Variants in ASNS observed in about 807,000 individuals in gnomAD.
ASNS encodes asparagine synthetase (glutamine-hydrolyzing).
ASNS carries 37 observed loss-of-function variants against 62.6 expected under a neutral mutation model. The observed-to-expected ratio is 0.59, with a 90% CI of 0.45 to 0.78. ASNS has a LOEUF of 0.78. Ranked by LOEUF, ASNS falls within the 30% of genes least tolerant of loss-of-function variation. ASNS has a pLI of 0.00. For synonymous variants in ASNS, 207 were observed against 237.9 expected, an observed-to-expected ratio of 0.87 and a Z score of 1.19; for missense variants, 520 against 682.4, an observed-to-expected ratio of 0.76 and a Z score of 2.65.
At chr7:97,870,118 A>C in intron 1 of ASNS, 1 of 436,826 alleles carries the variant, frequency 2.3e-6, no homozygotes, top group Non-Finnish European at 3.8e-6. Context: ...CTGTGAAATA[A>C]AGGGCTGTTT....
At chr7:97,903,431 T>C in the ASNS span, among the ~76,000 whole-genome samples, 3 of 152,142 alleles carry the variant, frequency 2.0e-5, no homozygotes, top group Admixed American at 1.3e-4. Context: ...CACTGCCATT[T>C]ACATGCAGAC....
chr7:97,878,171 G>A, the ASNS span, among the ~76,000 whole-genome samples: 910 of 152,284 alleles, frequency 6.0e-3, 4 homozygotes, highest in Middle Eastern at 0.027. Flanking sequence ...AGATCACGAG[G>A]TCAAGAGATC....
At chr7:97,890,893 A>T in the ASNS span, among the ~76,000 whole-genome samples, 1 of 152,272 alleles carries the variant, frequency 6.6e-6, no homozygotes, top group Non-Finnish European at 1.5e-5. Flanking sequence ...ATCTACCATC[A>T]TGAAAATACA....
At chr7:97,854,952 T>G in intron 9 of ASNS, 1 of 446,892 alleles carries the variant, frequency 2.2e-6, no homozygotes, top group East Asian at 4.3e-5. Context: ...CAAGCTTAAG[T>G]AGTTTTATTT....
intron 9 of ASNS, 162 bp downstream of exon 9, chr7:97,855,191 T>G (rs1166783435): frequency 5.4e-6 from 3 of 557,246 alleles, no homozygotes; most frequent in Non-Finnish European, 9.4e-6. Flanking sequence ...AAAATTTCTT[T>G]CTTCCCCAAG....
chr7:97,907,642 G>A, the ASNS span, among the ~76,000 whole-genome samples: 20 of 152,118 alleles, frequency 1.3e-4, no homozygotes, highest in East Asian at 1.9e-3. Flanking sequence ...GGAGGCGGGC[G>A]CCTGTAGTCC....
chr7:97,912,284 C>CA, the ASNS span, among the ~76,000 whole-genome samples: 1 of 152,176 alleles, frequency 6.6e-6, no homozygotes, highest in Non-Finnish European at 1.5e-5. Context: ...ACTCATCACT[C>CA]ACTTTTGTTT....
At chr7:97,874,489 A>T (rs561037064), upstream of ASNS, among the ~76,000 whole-genome samples, 117 of 152,364 alleles carry the variant, frequency 7.7e-4, no homozygotes, top group Non-Finnish European at 1.6e-3. Flanking sequence ...AAGGGTATTG[A>T]TTAGGGAAGT....
chr7:97,852,483 A>G lies in ASNS; in HGVS notation c.1477-15T>C, dbSNP rs1791229597. The G allele has an allele frequency of 6.2e-7, 1 of 1,612,562 alleles. No homozygotes were observed. Among genetic ancestry groups the G allele is most frequent in the Admixed American group, 1.7e-5 (1 of 59,998 alleles). On this transcript the variant is annotated splice_polypyrimidine_tract_variant and intron_variant, in intron 12 of 12. Coordinates refer to ENST00000394308, the MANE Select transcript of ASNS (RefSeq NM_001673.5). Reference sequence around the variant, plus strand: ...GCATCATCAACCTGTAAGAATAAGCATATAAGAGCAAAATGGCTTAAAATG... The same window carrying G: ...GCATCATCAACCTGTAAGAATAAGCGTATAAGAGCAAAATGGCTTAAAATG...
intron 10 of ASNS, among the ~76,000 whole-genome samples, chr7:97,854,253 G>A (rs1190962534): frequency 6.6e-6 from 1 of 152,138 alleles, no homozygotes; most frequent in Admixed American, 6.5e-5. Flanking sequence ...TAGCAGCCTT[G>A]CCTCTTCCAT....
chr7:97,864,822 T>C (rs1187871695), intron 3 of ASNS, among the ~76,000 whole-genome samples: 1 of 152,152 alleles, frequency 6.6e-6, no homozygotes, highest in Non-Finnish European at 1.5e-5. Flanking sequence ...TATATTTATA[T>C]ATATACAGAT....
Position 97,861,564 on chromosome 7 carries a change from T to C in ASNS, c.488-2166A>G, listed in dbSNP as rs548874405. Among the ~76,000 whole-genome samples, 8 of 152,324 alleles carry C rather than the reference T, an allele frequency of 5.3e-5. No homozygotes were observed. In the East Asian group the frequency reaches 1.5e-3, roughly 29 times the overall value. ...AGTATTATATTGTCCTTATTACCAT[T>C]GTCTTGTAGTAAGTTTTAAAATCAG... is the stretch of plus-strand genomic sequence containing the variant. On this transcript the variant is annotated intron_variant, in intron 4 of 12. Coordinates refer to ENST00000394308, the MANE Select transcript of ASNS (RefSeq NM_001673.5).
chr7:97,904,443 A>T, the ASNS span, among the ~76,000 whole-genome samples: 2 of 152,162 alleles, frequency 1.3e-5, no homozygotes, highest in African/African-American at 4.8e-5. Flanking sequence ...CTACATCTGC[A>T]GGGAGGTGTG....
rs1441492741 is a variant in ASNS, at chr7:97,872,339, G to C, written c.-60+12C>G. 1.3e-5 allele frequency: 2 copies of C among 153,536 alleles called. No individual in the cohort carries two copies. Among genetic ancestry groups the C allele is most frequent in the African/African-American group, 4.8e-5 (2 of 41,492 alleles). The allele number at this position is 153,536 out of a possible 1,614,324, so 9.5% of individuals were successfully genotyped here. A position where few individuals can be genotyped will look rare whatever the true frequency, so the allele number is the denominator to read the frequency against. Reference sequence around the variant, plus strand: ...GCGGGGCGCAGGGCACGGGGCGCAGGACCCGGCTCACCTGGGCGTAAGCAG... The same window carrying C: ...GCGGGGCGCAGGGCACGGGGCGCAGCACCCGGCTCACCTGGGCGTAAGCAG... On this transcript the variant is annotated intron_variant, in intron 1 of 12. Transcript: ENST00000394308.
At chr7:97,880,551 C>T in the ASNS span, among the ~76,000 whole-genome samples, 1 of 152,154 alleles carries the variant, frequency 6.6e-6, no homozygotes, top group Admixed American at 6.5e-5. Context: ...CAGGTCACTG[C>T]CTGTTTCAAT....
At chr7:97,870,235 G>T in intron 1 of ASNS, 1 of 866,072 alleles carries the variant, frequency 1.2e-6, no homozygotes, top group South Asian at 2.4e-5. Flanking sequence ...GTGCTACGAA[G>T]ATTGTACACA....
the ASNS span, among the ~76,000 whole-genome samples, chr7:97,919,672 G>A: frequency 1.2e-3 from 183 of 152,288 alleles, no homozygotes; most frequent in Non-Finnish European, 2.0e-3. Flanking sequence ...TCCCCTCCAG[G>A]AGGATGGTCT....
chr7:97,893,216 A>G, the ASNS span, among the ~76,000 whole-genome samples: 308 of 152,386 alleles, frequency 2.0e-3, no homozygotes, highest in Non-Finnish European at 3.8e-3. Flanking sequence ...TTAAAAGAAT[A>G]GCATGGGAAA....
upstream of ASNS, among the ~76,000 whole-genome samples, chr7:97,875,966 C>T (rs1792430010): frequency 6.6e-6 from 1 of 151,742 alleles, no homozygotes; most frequent in African/African-American, 2.4e-5. Flanking sequence ...AAGTGATTTT[C>T]ATGCATCAGC....
Sources: gnomAD v4.1 joint callset for allele counts (sites outside exome capture counted in the v4.1 genomes callset) on GRCh38, gnomAD v4.1.1 for gene constraint, MANE v1.5 for transcripts, NCBI Gene and HGNC (gene_info 2026-07-23, HGNC 2026-07-21) for gene names.